DHX36: variants seen among roughly 807,000 people sequenced by gnomAD.
The protein encoded by DHX36 is DEAH-box helicase 36, also known as ATP-dependent DNA/RNA helicase DHX36.
A neutral mutation model predicts 139.0 loss-of-function variants in DHX36; 50 were observed. The ratio of observed to expected loss-of-function variants is 0.36; its 90% CI spans 0.29 to 0.46. The LOEUF is 0.46. Ranked by LOEUF, DHX36 falls within the 20% of genes least tolerant of loss-of-function variation. DHX36 has a pLI of 1.00. For synonymous variants in DHX36, 425 were observed against 401.9 expected (o/e 1.06, Z -0.69); for missense variants, 1,024 against 1,211.3 (o/e 0.85, Z 2.29).
intron 9 of DHX36, among the ~76,000 whole-genome samples, chr3:154,302,789 T>C (rs1712349238): frequency 6.6e-6 from 1 of 152,124 alleles, no homozygotes; most frequent in African/African-American, 2.4e-5. Context: ...CAAAAAACAC[T>C]GACACCAGCC....
Position 154,311,878 on chromosome 3 carries a change from C to T in DHX36, c.604-204G>A, listed in dbSNP as rs1712775205. On this transcript the variant is annotated intron_variant, in intron 3 of 24. Coordinates refer to ENST00000496811, the MANE Select transcript of DHX36 (RefSeq NM_020865.3). ...TTCAAAACCAGAACTCCATTACATC[C>T]AGCAAAATAGAGACAATGCTTTAAG... The T allele has an allele frequency of 2.3e-6, 1 of 439,368 alleles. No homozygotes were observed. The highest frequency in any genetic ancestry group is 4.0e-6 in the Non-Finnish European group (1 of 252,274). The allele number at this position is 439,368 out of a possible 1,614,324, so 27.2% of individuals were successfully genotyped here.
Position 154,316,024 on chromosome 3 carries a change from T to A in DHX36, c.368+15A>T. The A allele has an allele frequency of 6.2e-7, 1 of 1,606,898 alleles. No homozygotes were observed. Among genetic ancestry groups the A allele is most frequent in the Non-Finnish European group, 8.5e-7 (1 of 1,177,452 alleles). ...ACTCTTTGCCTATTCTTTAAAAAAA[T>A]ATTTCTTGTCGTACCCATGATCCTC... is the stretch of plus-strand genomic sequence containing the variant. On this transcript the variant is annotated intron_variant, in intron 2 of 24. Transcript: ENST00000496811.
intron 4 of DHX36, among the ~76,000 whole-genome samples, chr3:154,311,385 T>C (rs541876247): frequency 1.1e-4 from 16 of 152,208 alleles, no homozygotes; most frequent in African/African-American, 2.9e-4. Flanking sequence ...CAAACTAACT[T>C]ATAGGAGGAA....
rs544360633 is a variant in DHX36, at chr3:154,275,874, T to C, written c.*297A>G. On this transcript the variant is annotated 3_prime_UTR_variant, in exon 25 of 25. Transcript: ENST00000496811. ...AATTTTGTATAACAGAACAAAGGAA[T>C]TTCTCAAGTGGTACAATACTCAATA... is the stretch of plus-strand genomic sequence containing the variant. The C allele has an allele frequency of 5.3e-6, 1 of 188,338 alleles. No individual in the cohort carries two copies. Among genetic ancestry groups the C allele is most frequent in the African/African-American group, 2.3e-5 (1 of 42,760 alleles). 11.7% of individuals were successfully genotyped at this position (188,338 alleles called of 1,614,324 possible). A position where few individuals can be genotyped will look rare whatever the true frequency, so the allele number is the denominator to read the frequency against.
At position 154,309,729 on chromosome 3, in the gene DHX36, T is replaced by A. The variant is rs758663359; in HGVS notation, c.737A>T (p.Asp246Val). 1 of 1,613,498 alleles carries A rather than the reference T, an allele frequency of 6.2e-7. No homozygotes were observed. Among genetic ancestry groups the A allele is most frequent in the South Asian group, 1.1e-5 (1 of 91,016 alleles). The change falls in exon 5 of 25, where the codon GAT (aspartate) becomes GTT (valine). Residue 246 changes from aspartate to valine, a missense_variant. By Grantham distance (152) the Asp-to-Val change is radical. Transcript: ENST00000496811. The stretch of plus-strand genomic sequence containing the variant: ...TCCTTTTCCTCTTTCAATGTAGTTA[T>A]CCAAAATGAACTGAGTAACTTGAGT... ...KTTQVTQFILDNYIERGKGSA... is the reference protein window; with the variant it reads ...KTTQVTQFILVNYIERGKGSA...
intron 14 of DHX36, 66 bp from the exon 15 acceptor site, chr3:154,292,760 C>T: frequency 7.5e-7 from 1 of 1,331,066 alleles, no homozygotes; most frequent in Non-Finnish European, 1.0e-6. Context: ...CACACACACA[C>T]ATCGAAAGCA....
rs987673609 is a variant in DHX36, at chr3:154,293,728, A to G, written c.1670+20T>C. The G allele has an allele frequency of 1.3e-6, 2 of 1,581,784 alleles. No individual in the cohort carries two copies. ...AAACTTATGTAATCATCAGTATTTG[A>G]TATTTAAAACTATTTTTACCTAGTC... On this transcript the variant is annotated intron_variant, in intron 14 of 24. Coordinates refer to ENST00000496811, the MANE Select transcript of DHX36 (RefSeq NM_020865.3).
intron 1 of DHX36, among the ~76,000 whole-genome samples, chr3:154,318,344 T>A (rs1713065587): frequency 6.6e-6 from 1 of 152,132 alleles, no homozygotes. Context: ...TCTGTTTAGT[T>A]AGAATATAAC....
intron 6 of DHX36, among the ~76,000 whole-genome samples, chr3:154,305,786 A>G (rs973656777): frequency 2.0e-5 from 3 of 152,186 alleles, no homozygotes; most frequent in African/African-American, 7.2e-5. Context: ...AAGTAAATTA[A>G]AACATAAAAA....
Position 154,276,214 on chromosome 3 carries a change from G to C in DHX36, c.2984C>G (p.Pro995Arg). 1.2e-6 allele frequency: 2 copies of C among 1,613,094 alleles called. No individual in the cohort carries two copies. Among genetic ancestry groups the C allele is most frequent in the Non-Finnish European group, 1.7e-6 (2 of 1,179,586 alleles). The change falls in exon 25 of 25, where the codon CCC (proline) becomes CGC (arginine). Residue 995 changes from proline to arginine, a missense_variant. By Grantham distance (103) the Pro-to-Arg change is moderately radical. Coordinates refer to ENST00000496811, the MANE Select transcript of DHX36 (RefSeq NM_020865.3). The part of the protein sequence containing the change: ...DLIKTQEKAT[P>R]RNFPPRFQDG... ...CTGGAATCGTGGCGGAAAGTTCCTGGGAGTTGCCTTTTCCTGTGTTTTGAT... is the reference window on the plus strand; with the variant it reads ...CTGGAATCGTGGCGGAAAGTTCCTGCGAGTTGCCTTTTCCTGTGTTTTGAT...
At position 154,288,941 on chromosome 3, in the gene DHX36, A is replaced by C; in HGVS notation, c.1956T>G (p.Ala652=). The C allele has an allele frequency of 6.3e-7, 1 of 1,579,366 alleles. No homozygotes were observed. Among genetic ancestry groups the C allele is most frequent in the South Asian group, 1.2e-5 (1 of 83,572 alleles). ...GGTCCATTAATCTACTCAGAAAATAAGCAATTCCACCTAGCCTTAAAATCT... is the reference window on the plus strand; with the variant it reads ...GGTCCATTAATCTACTCAGAAAATACGCAATTCCACCTAGCCTTAAAATCT... ...QIKILRLGGI[A]YFLSRLMDPP... is the part of the protein sequence containing the mutation. The change falls in exon 17 of 25, where the codon GCT becomes GCG. Residue 652 remains alanine, a synonymous_variant. Transcript: ENST00000496811.
rs931135456 is a variant in DHX36 at position 154,288,911 on chromosome 3, T to A, written c.1986A>T (p.Pro662=). 15 of 1,594,328 alleles carry A rather than the reference T, an allele frequency of 9.4e-6. No homozygotes were observed. The highest frequency in any genetic ancestry group is 1.3e-5 in the Non-Finnish European group (15 of 1,169,578). The change falls in exon 17 of 25, where the codon CCA becomes CCT. Residue 662 remains proline (P), a synonymous_variant. Coordinates refer to ENST00000496811, the MANE Select transcript of DHX36 (RefSeq NM_020865.3). ...TGGAGAGTAACACTGCCTCATTTGA[T>A]GGTGGGTCCATTAATCTACTCAGAA... ...AYFLSRLMDP[P]SNEAVLLSIR...
At chr3:154,292,737 ACACAC>A (rs764417003) in intron 14 of DHX36, 43 bp from the exon 15 acceptor site, 46 of 1,567,916 alleles carry the variant, frequency 2.9e-5, no homozygotes, top group Non-Finnish European at 4.0e-5. Context: ...ACACACACAC[ACACAC>A]ACACACACAC....
chr3:154,285,318 T>C (rs1711511932), intron 17 of DHX36, among the ~76,000 whole-genome samples: 1 of 152,172 alleles, frequency 6.6e-6, no homozygotes, highest in Non-Finnish European at 1.5e-5. Context: ...AGATACACTA[T>C]TATACATCTG....
At position 154,273,321 on chromosome 3, in the gene DHX36, C is replaced by A. The variant is rs988186866; in HGVS notation, c.*2850G>T. 6 of 152,162 alleles carry A rather than the reference C, an allele frequency of 3.9e-5. No individual in the cohort carries two copies. Among genetic ancestry groups the A allele is most frequent in the Non-Finnish European group, 8.8e-5 (6 of 68,028 alleles). The allele number at this position is 152,162 out of a possible 1,614,324, so 9.4% of individuals were successfully genotyped here. Reference sequence around the variant, plus strand: ...AGACATAAATTGGAGGTAACAATAACTGCTTTAATCTCTGTGAATGCCTCA... The same window carrying A: ...AGACATAAATTGGAGGTAACAATAAATGCTTTAATCTCTGTGAATGCCTCA... On this transcript the variant is annotated 3_prime_UTR_variant, in exon 25 of 25. Coordinates refer to ENST00000496811, the MANE Select transcript of DHX36 (RefSeq NM_020865.3).
At chr3:154,285,059 TAAA>T in intron 17 of DHX36, 72 bp from the exon 18 acceptor site, 3 of 1,476,484 alleles carry the variant, frequency 2.0e-6, no homozygotes, top group Non-Finnish European at 2.8e-6. Context: ...TAGCTTGCTT[TAAA>T]AAGAGTAACA....
chr3:154,312,411 G>A (rs1161061310), intron 3 of DHX36, among the ~76,000 whole-genome samples: 2 of 151,952 alleles, frequency 1.3e-5, no homozygotes, highest in Non-Finnish European at 2.9e-5. Flanking sequence ...AAACTTTTAT[G>A]GAACTCTATA....
At chr3:154,300,071 T>A in intron 11 of DHX36, 146 bp from the exon 12 acceptor site, 1 of 603,078 alleles carries the variant, frequency 1.7e-6, no homozygotes, top group Non-Finnish European at 3.0e-6. Flanking sequence ...AAGCTTTTTT[T>A]TTTTAATTAT....
At chr3:154,281,366 G>T (rs1380392798) in intron 20 of DHX36, among the ~76,000 whole-genome samples, 5 of 147,502 alleles carry the variant, frequency 3.4e-5, no homozygotes, top group East Asian at 2.0e-4. Flanking sequence ...TTAAGGTTTT[G>T]TTTTTTTTTT....
Sources: allele counts gnomAD v4.1 joint callset (sites outside exome capture counted in the v4.1 genomes callset), GRCh38; gene constraint gnomAD v4.1.1; transcripts MANE v1.5; gene names NCBI Gene and HGNC (gene_info 2026-07-23, HGNC 2026-07-21).